Variants in TNFRSF11B observed in about 807,000 individuals in gnomAD.
TNFRSF11B encodes the protein TNF receptor superfamily member 11b, also known as tumor necrosis factor receptor superfamily member 11B.
TNFRSF11B carries 16 observed loss-of-function variants against 43.4 expected under a neutral mutation model. The ratio of observed to expected loss-of-function variants is 0.37; its 90% CI spans 0.25 to 0.56. TNFRSF11B has a LOEUF of 0.56. Among genes scored for constraint, TNFRSF11B ranks in the 20% least tolerant of loss-of-function variants. The pLI is 0.80. For missense variants in TNFRSF11B, 444 were observed against 490.1 expected, an observed-to-expected ratio of 0.91 and a Z score of 0.89; for synonymous variants, 185 against 181.8, an observed-to-expected ratio of 1.02 and a Z score of -0.14.
At chr8:118,947,176 T>C (rs1349792727) in intron 1 of TNFRSF11B, among the ~76,000 whole-genome samples, 1 of 152,202 alleles carries the variant, frequency 6.6e-6, no homozygotes, top group Admixed American at 6.5e-5. Flanking sequence ...GTGTATCTTT[T>C]CAAAGAGATC....
intron 2 of TNFRSF11B, among the ~76,000 whole-genome samples, chr8:118,929,634 T>C (rs1327834239): frequency 6.6e-6 from 1 of 152,216 alleles, no homozygotes; most frequent in Non-Finnish European, 1.5e-5. Context: ...TACTTCATGA[T>C]GGAAAAATAT....
intron 1 of TNFRSF11B, among the ~76,000 whole-genome samples, chr8:118,949,720 T>G (rs1812613289): frequency 6.6e-6 from 1 of 152,136 alleles, no homozygotes; most frequent in Non-Finnish European, 1.5e-5. Context: ...GCTTTCTCCA[T>G]TAGACTATGG....
intron 2 of TNFRSF11B, among the ~76,000 whole-genome samples, chr8:118,930,226 T>G (rs1421651245): frequency 6.6e-6 from 1 of 152,216 alleles, no homozygotes; most frequent in Admixed American, 6.5e-5. Flanking sequence ...TACATCCTAC[T>G]CCTTAAATGG....
At position 118,924,388 on chromosome 8, in the gene TNFRSF11B, T is replaced by G. The variant is rs772520936; in HGVS notation, c.1192A>C (p.Ile398Leu). ...MIGNQVQSVK[I>L]SCL The stretch of plus-strand genomic sequence containing the variant: ...GCCATTTCCAGTTATAAGCAGCTTA[T>G]TTTTACTGATTGGACCTGGTTACCT... The change falls in exon 5 of 5, where the codon ATA (isoleucine) becomes CTA (leucine). Residue 398 changes from isoleucine (I) to leucine (L), a missense_variant. Transcript: ENST00000297350. 9.3e-6 allele frequency: 15 copies of G among 1,614,202 alleles called. No homozygotes were observed. In the South Asian group the frequency reaches 1.6e-4, roughly 18 times the overall value.
chr8:118,937,269 TTTAA>T (rs968674172), intron 1 of TNFRSF11B, among the ~76,000 whole-genome samples: 1 of 152,242 alleles, frequency 6.6e-6, no homozygotes, highest in African/African-American at 2.4e-5. Context: ...GGTTTCATAG[TTTAA>T]TTACCCAGTG....
chr8:118,942,531 A>G (rs1046021592), intron 1 of TNFRSF11B, among the ~76,000 whole-genome samples: 1 of 152,122 alleles, frequency 6.6e-6, no homozygotes. Flanking sequence ...CATGTCTATG[A>G]TGTGCGAAAC....
rs1052998392 is a variant in TNFRSF11B, at chr8:118,951,879, C to T, written c.-58G>A. On this transcript the variant is annotated 5_prime_UTR_variant, in exon 1 of 5. Transcript: ENST00000297350. ...CGGCGGCTGGGCGAGCGCTCCGGTG[C>T]GTCTCCGCAGCCCGTGCGCTCATCA... The T allele has an allele frequency of 8.1e-6, 12 of 1,485,934 alleles. No individual in the cohort carries two copies. Among genetic ancestry groups the T allele is most frequent in the African/African-American group, 1.4e-5 (1 of 71,480 alleles). 92.0% of individuals were successfully genotyped at this position (1,485,934 alleles called of 1,614,324 possible).
chr8:118,944,418 AGTTACT>A (rs953866534), intron 1 of TNFRSF11B, among the ~76,000 whole-genome samples: 11 of 152,084 alleles, frequency 7.2e-5, no homozygotes, highest in African/African-American at 2.4e-4. Flanking sequence ...TTAACTCATG[AGTTACT>A]GGCCAGAACT....
In TNFRSF11B at chr8:118,924,139, G is replaced by C. The variant is rs1453076145; in HGVS notation, c.*235C>G. ...TGAATTACTGCAAGCAGTAATAAGG[G>C]AAAATATAGTCAGTAGATAACGATC... On this transcript the variant is annotated 3_prime_UTR_variant, in exon 5 of 5. Transcript: ENST00000297350. 2.2e-6 allele frequency: 1 copy of C among 448,218 alleles called. No individual in the cohort carries two copies. The highest frequency in any genetic ancestry group is 2.0e-5 in the African/African-American group (1 of 50,770). The allele number at this position is 448,218 out of a possible 1,614,324, so 27.8% of individuals were successfully genotyped here.
At position 118,933,067 on chromosome 8, in the gene TNFRSF11B, C is replaced by T; in HGVS notation, c.264G>A (p.Lys88=). ...ACTCCTGCTTGACGTACTGCAGCTCCTTGCACACGGGGCTGCAGTATAGAC... is the reference window on the plus strand; with the variant it reads ...ACTCCTGCTTGACGTACTGCAGCTCTTTGCACACGGGGCTGCAGTATAGAC... ...DECLYCSPVC[K]ELQYVKQECN... The change falls in exon 2 of 5, where the codon AAG becomes AAA. Residue 88 remains lysine, a synonymous_variant. Coordinates refer to ENST00000297350, the MANE Select transcript of TNFRSF11B (RefSeq NM_002546.4). 6.2e-7 allele frequency: 1 copy of T among 1,614,208 alleles called. No homozygotes were observed.
chr8:118,943,027 C>T (rs1393220389), intron 1 of TNFRSF11B, among the ~76,000 whole-genome samples: 1 of 152,170 alleles, frequency 6.6e-6, no homozygotes, highest in South Asian at 2.1e-4. Context: ...ATGCTTCTCC[C>T]TTCCTCTCTC....
At chr8:118,937,193 A>T (rs1408628878) in intron 1 of TNFRSF11B, among the ~76,000 whole-genome samples, 1 of 152,216 alleles carries the variant, frequency 6.6e-6, no homozygotes, top group Non-Finnish European at 1.5e-5. Flanking sequence ...GAAGGTGAAG[A>T]TGGTGGGTGA....
chr8:118,937,303 G>C (rs976451654), intron 1 of TNFRSF11B, among the ~76,000 whole-genome samples: 2 of 152,116 alleles, frequency 1.3e-5, no homozygotes, highest in South Asian at 4.1e-4. Context: ...AAAAAGTCTT[G>C]CTCTAATCCC....
chr8:118,935,768 G>A (rs908689865), intron 1 of TNFRSF11B, among the ~76,000 whole-genome samples: 1 of 151,896 alleles, frequency 6.6e-6, no homozygotes, highest in Non-Finnish European at 1.5e-5. Context: ...CCACTTTTGA[G>A]AGTTGTGTTT....
intron 1 of TNFRSF11B, among the ~76,000 whole-genome samples, chr8:118,938,018 A>G (rs1324230224): frequency 1.3e-5 from 2 of 152,222 alleles, no homozygotes; most frequent in African/African-American, 4.8e-5. Flanking sequence ...GCAATTAATC[A>G]TTCAGCTGTT....
At chr8:118,934,902 A>G (rs1382965695) in intron 1 of TNFRSF11B, among the ~76,000 whole-genome samples, 6 of 152,220 alleles carry the variant, frequency 3.9e-5, no homozygotes, top group Non-Finnish European at 5.9e-5. Context: ...TTTCATAAGC[A>G]TTTGAACATT....
At chr8:118,927,708 CTGTT>C (rs937355314) in intron 3 of TNFRSF11B, among the ~76,000 whole-genome samples, 5 of 151,958 alleles carry the variant, frequency 3.3e-5, no homozygotes, top group African/African-American at 9.7e-5. Flanking sequence ...GTACGAAAAA[CTGTT>C]TGGGGAGAGT....
At chr8:118,928,012 ATGTGTGTGTG>A (rs58489703) in intron 3 of TNFRSF11B, among the ~76,000 whole-genome samples, 19 of 145,162 alleles carry the variant, frequency 1.3e-4, no homozygotes, top group South Asian at 4.4e-4. Context: ...CACATTTCTA[ATGTGTGTGTG>A]TGTGTGTGTG....
At chr8:118,936,446 C>A (rs1305524094) in intron 1 of TNFRSF11B, among the ~76,000 whole-genome samples, 1 of 152,076 alleles carries the variant, frequency 6.6e-6, no homozygotes, top group Non-Finnish European at 1.5e-5. Context: ...AATTCCCACA[C>A]AGAATTTCTG....
Sources: allele counts gnomAD v4.1 joint callset (sites outside exome capture counted in the v4.1 genomes callset), GRCh38; gene constraint gnomAD v4.1.1; transcripts MANE v1.5; gene names NCBI Gene and HGNC (gene_info 2026-07-23, HGNC 2026-07-21).